LRP11: variants seen among roughly 807,000 people sequenced by gnomAD.
LRP11 encodes LDL receptor related protein 11.
In LRP11, 25 loss-of-function variants were observed where a neutral mutation model predicts 43.1. The observed-to-expected ratio is 0.58, with a 90% confidence interval of 0.42 to 0.81. LRP11 has a LOEUF of 0.81. Among genes scored for constraint, LRP11 ranks in the 30% least tolerant of loss-of-function variants. The pLI, the probability that LRP11 is intolerant of heterozygous loss-of-function variation, is 0.00. For missense variants in LRP11, 623 were observed against 665.1 expected, an observed-to-expected ratio of 0.94 and a Z score of 0.70; for synonymous variants, 316 against 299.4, an observed-to-expected ratio of 1.06 and a Z score of -0.57.
intron 5 of LRP11, among the ~76,000 whole-genome samples, chr6:149,828,313 TTTTA>T (rs1279496549): frequency 6.6e-6 from 1 of 151,894 alleles, no homozygotes; most frequent in Non-Finnish European, 1.5e-5. Context: ...CATGCAGCTT[TTTTA>T]TTTTATTATA....
chr6:149,859,396 ATTTTTTTTT>A (rs1163759560), intron 1 of LRP11, among the ~76,000 whole-genome samples: 2 of 71,496 alleles, frequency 2.8e-5, no homozygotes, highest in South Asian at 5.2e-4. Flanking sequence ...ATATATATAT[ATTTTTTTTT>A]TTTTTTTTTT....
intron 5 of LRP11, among the ~76,000 whole-genome samples, chr6:149,835,681 T>C (rs1776461767): frequency 6.6e-6 from 1 of 152,190 alleles, no homozygotes; most frequent in African/African-American, 2.4e-5. Context: ...AGGCATAACG[T>C]TGAATTACTA....
intron 2 of LRP11, among the ~76,000 whole-genome samples, chr6:149,847,397 A>G (rs573158780): frequency 6.6e-6 from 1 of 152,288 alleles, no homozygotes; most frequent in South Asian, 2.1e-4. Context: ...TCCCTTCCCT[A>G]GCTCTTTTAG....
chr6:149,820,616 TTC>T lies in LRP11; in HGVS notation c.1434_1435del (p.Lys479ThrfsTer10), dbSNP rs1776265767. 1.3e-6 allele frequency: 1 copy of T among 780,922 alleles called. No individual in the cohort carries two copies. The highest frequency in any genetic ancestry group is 1.7e-5 in the African/African-American group (1 of 59,120). 48.4% of individuals were successfully genotyped at this position (780,922 alleles called of 1,614,324 possible). Reference sequence around the variant, plus strand: ...TGTAATGGGACGAGCTTTTTTCAGTTTCTGTTTCACCAGTCGTAGTCGGCATG... The same window carrying T: ...TGTAATGGGACGAGCTTTTTTCAGTTTGTTTCACCAGTCGTAGTCGGCATG... On this transcript the variant is annotated frameshift_variant, in exon 7 of 7. Transcript: ENST00000239367. LOFTEE classifies it high-confidence loss of function.
chr6:149,835,818 T>C (rs572863717), intron 5 of LRP11, among the ~76,000 whole-genome samples: 2 of 152,296 alleles, frequency 1.3e-5, no homozygotes, highest in East Asian at 3.9e-4. Context: ...ACTTTGGGTA[T>C]TGGTTTACGT....
At chr6:149,844,135 C>T (rs1776593434) in intron 2 of LRP11, among the ~76,000 whole-genome samples, 1 of 151,922 alleles carries the variant, frequency 6.6e-6, no homozygotes, top group Admixed American at 6.6e-5. Flanking sequence ...CGCCTGTAGT[C>T]CCAGGTACTC....
At chr6:149,821,159 G>A (rs1011627941) in intron 6 of LRP11, among the ~76,000 whole-genome samples, 4 of 152,024 alleles carry the variant, frequency 2.6e-5, no homozygotes, top group Admixed American at 2.6e-4. Flanking sequence ...TCAAACTTCT[G>A]ACCTCGTGAT....
At chr6:149,821,719 G>A (rs78143292) in intron 6 of LRP11, among the ~76,000 whole-genome samples, 1 of 152,312 alleles carries the variant, frequency 6.6e-6, no homozygotes, top group African/African-American at 2.4e-5. Flanking sequence ...GCCAGGCCAG[G>A]TCTGGAGATT....
intron 5 of LRP11, among the ~76,000 whole-genome samples, chr6:149,835,266 T>G (rs1022336836): frequency 2.0e-5 from 3 of 152,008 alleles, no homozygotes; most frequent in African/African-American, 7.2e-5. Context: ...GGTGAGTCAC[T>G]GCATCTGGCT....
At chr6:149,845,992 C>A (rs1393557843) in intron 2 of LRP11, among the ~76,000 whole-genome samples, 1 of 152,156 alleles carries the variant, frequency 6.6e-6, no homozygotes, top group African/African-American at 2.4e-5. Context: ...TTGCTCTGAC[C>A]CCAGCCTGTC....
intron 5 of LRP11, among the ~76,000 whole-genome samples, chr6:149,831,402 C>T (rs1776406797): frequency 6.6e-6 from 1 of 152,140 alleles, no homozygotes; most frequent in Admixed American, 6.5e-5. Context: ...AGCTTGGATA[C>T]AAGAGGGTGG....
intron 1 of LRP11, among the ~76,000 whole-genome samples, chr6:149,853,486 C>T (rs1301858053): frequency 6.6e-6 from 1 of 152,070 alleles, no homozygotes; most frequent in Non-Finnish European, 1.5e-5. Context: ...GTTCAAAATA[C>T]TGTTAAATAA....
rs1776526621 is a variant in LRP11, at chr6:149,840,249, A to G, written c.913+2734T>C. Reference sequence around the variant, plus strand: ...CTTGTCTCTTCTACCTCTATTTTCCAATGTCTCTCTGTGGTGTTTTATTAA... The same window carrying G: ...CTTGTCTCTTCTACCTCTATTTTCCGATGTCTCTCTGTGGTGTTTTATTAA... On this transcript the variant is annotated intron_variant, in intron 3 of 6. Coordinates refer to ENST00000239367, the MANE Select transcript of LRP11 (RefSeq NM_032832.6). Among the ~76,000 whole-genome samples the G allele has an allele frequency of 1.3e-5, 2 of 151,930 alleles. 1 individual carries two copies. The highest frequency in any genetic ancestry group is 4.2e-4 in the South Asian group (2 of 4,800).
intron 5 of LRP11, among the ~76,000 whole-genome samples, chr6:149,834,208 T>C (rs2115381891): frequency 6.6e-6 from 1 of 152,346 alleles, no homozygotes; most frequent in African/African-American, 2.4e-5. Context: ...GATTCTGAGC[T>C]AAGTCCACAT....
At chr6:149,832,965 C>T (rs1404898234) in intron 5 of LRP11, among the ~76,000 whole-genome samples, 7 of 152,128 alleles carry the variant, frequency 4.6e-5, no homozygotes, top group South Asian at 2.1e-4. Flanking sequence ...CCCGCCACCA[C>T]GTCCAGCTAA....
intron 2 of LRP11, chr6:149,852,671 C>T: frequency 5.2e-6 from 1 of 193,340 alleles, no homozygotes; most frequent in East Asian, 1.3e-4. Context: ...ATCTTGAGCT[C>T]AGAAAAAGAA....
intron 1 of LRP11, among the ~76,000 whole-genome samples, chr6:149,859,396 A>ATATATATATATATTTTT: frequency 2.8e-5 from 2 of 71,496 alleles, no homozygotes; most frequent in East Asian, 8.8e-4. Flanking sequence ...ATATATATAT[A>ATATATATATATATTTTT]TTTTTTTTTT....
Position 149,836,073 on chromosome 6 carries a change from G to A in LRP11, c.1252+12C>T, listed in dbSNP as rs745662268. 3.1e-6 allele frequency: 5 copies of A among 1,611,154 alleles called. No individual in the cohort carries two copies. The South Asian group carries it at 3.3e-5, about 11-fold the overall frequency. ...CAAGGTTCTTCATTGAGAACCCACC[G>A]TGAATCCTTACCTGGCATCACAGGA... On this transcript the variant is annotated intron_variant, in intron 5 of 6. Coordinates refer to ENST00000239367, the MANE Select transcript of LRP11 (RefSeq NM_032832.6).
chr6:149,864,133 G>A lies in LRP11; in HGVS notation c.-113C>T. Reference sequence around the variant, plus strand: ...TCCTGCGCGGCCGCGGCTGGCTCTAGGCCCCGGCCTCACAGCGCGGCGCCC... The same window carrying A: ...TCCTGCGCGGCCGCGGCTGGCTCTAAGCCCCGGCCTCACAGCGCGGCGCCC... On this transcript the variant is annotated 5_prime_UTR_variant, in exon 1 of 7. Coordinates refer to ENST00000239367, the MANE Select transcript of LRP11 (RefSeq NM_032832.6). 1.7e-6 allele frequency: 2 copies of A among 1,168,928 alleles called. No homozygotes were observed. Among genetic ancestry groups the A allele is most frequent in the Non-Finnish European group, 1.1e-6 (1 of 948,360 alleles). The allele number at this position is 1,168,928 out of a possible 1,614,324, so 72.4% of individuals were successfully genotyped here.
Sources: gnomAD v4.1 joint callset for allele counts (sites outside exome capture counted in the v4.1 genomes callset) on GRCh38, gnomAD v4.1.1 for gene constraint, MANE v1.5 for transcripts, NCBI Gene and HGNC (gene_info 2026-07-23, HGNC 2026-07-21) for gene names.